Variants in CHRNB1 observed in about 807,000 individuals in gnomAD.
CHRNB1 encodes the protein acetylcholine receptor subunit beta.
In CHRNB1, 47 loss-of-function variants were observed where a neutral mutation model predicts 53.8. That is an observed-to-expected ratio of 0.87 (90% CI 0.69 to 1.11). The LOEUF (loss-of-function observed/expected upper bound fraction) is 1.11, where lower values mean the gene tolerates loss of function less well. Among genes scored for constraint, CHRNB1 ranks in the 50% most tolerant of loss-of-function variants. CHRNB1 has a pLI of 0.00. For synonymous variants in CHRNB1, 259 were observed against 263.5 expected (o/e 0.98, Z 0.16); for missense variants, 605 against 654.9 (o/e 0.92, Z 0.83).
At chr17:7,450,040 AAAATAAATAAAT>A (rs201151995) in intron 7 of CHRNB1, among the ~76,000 whole-genome samples, 23,262 of 142,836 alleles carry the variant, frequency 0.16, 2,055 homozygotes, top group South Asian at 0.22. Context: ...TCTGTCTCAA[AAAATAAATAAAT>A]AAATAAATAA....
rs1480510263 is a variant in CHRNB1, at chr17:7,445,493, G to C, written c.198+84G>C. ...GGCAAGGCCGGACCAGGGACAGGCTGGGGGCGGGGCCTGGGACGAGACCAG... is the reference window on the plus strand; with the variant it reads ...GGCAAGGCCGGACCAGGGACAGGCTCGGGGCGGGGCCTGGGACGAGACCAG... On this transcript the variant is annotated intron_variant, in intron 2 of 10. Transcript: ENST00000306071. The surrounding 1 kb of genome is among the most constrained non-coding windows in gnomAD (Gnocchi z 5.7). 2.6e-6 allele frequency: 4 copies of C among 1,565,086 alleles called. No homozygotes were observed. Among genetic ancestry groups the C allele is most frequent in the Non-Finnish European group, 2.6e-6 (3 of 1,159,754 alleles).
intron 8 of CHRNB1, among the ~76,000 whole-genome samples, chr17:7,454,873 G>C (rs1204589288): frequency 1.5e-5 from 2 of 130,692 alleles, no homozygotes; most frequent in Non-Finnish European, 3.1e-5. Context: ...CACAATCTCA[G>C]CTCACTGCAA....
chr17:7,446,839 A>C lies in CHRNB1; in HGVS notation c.250A>C (p.Thr84Pro). Reference sequence around the variant, plus strand: ...TCAGCCTCTGCTTCACTAGGAGTGGACTGACTACAGGCTGAGCTGGGACCC... The same window carrying C: ...TCAGCCTCTGCTTCACTAGGAGTGGCCTGACTACAGGCTGAGCTGGGACCC... Reference protein sequence around the residue: ...STKVYLDLEWTDYRLSWDPAE... With the variant: ...STKVYLDLEWPDYRLSWDPAE... Residue 84 changes from threonine to proline, a missense_variant, in exon 4 of 11, where the codon ACT becomes CCT. Thr to Pro is a conservative substitution (Grantham distance 38). Transcript: ENST00000306071. 1 of 1,613,558 alleles carries C rather than the reference A, an allele frequency of 6.2e-7. No homozygotes were observed. The highest frequency in any genetic ancestry group is 1.1e-5 in the South Asian group (1 of 91,056).
chr17:7,454,350 C>A lies in CHRNB1; in HGVS notation c.874C>A (p.Leu292Met). 6.2e-7 allele frequency: 1 copy of A among 1,614,142 alleles called. No individual in the cohort carries two copies. The highest frequency in any genetic ancestry group is 1.1e-5 in the South Asian group (1 of 91,088). ...FALLTLTVFL[L>M]LLADKVPETS... Reference sequence around the variant, plus strand: ...CCTGCTGACCCTTACTGTGTTCCTGCTGCTGCTGGCTGACAAAGTACCTGA... The same window carrying A: ...CCTGCTGACCCTTACTGTGTTCCTGATGCTGCTGGCTGACAAAGTACCTGA... Residue 292 changes from leucine to methionine, a missense_variant, in exon 8 of 11, where the codon CTG becomes ATG. Transcript: ENST00000306071.
intron 7 of CHRNB1, among the ~76,000 whole-genome samples, chr17:7,449,402 C>CTTTTTTTT (rs769505757): frequency 1.1e-5 from 1 of 89,062 alleles, no homozygotes; most frequent in African/African-American, 5.0e-5. Flanking sequence ...AGGGCCCGAC[C>CTTTTTTTT]TTTTTTTTTT....
chr17:7,455,897 A>T lies in CHRNB1; in HGVS notation c.1321A>T (p.Ser441Cys). 9 of 1,614,056 alleles carry T rather than the reference A, an allele frequency of 5.6e-6. No homozygotes were observed. The highest frequency in any genetic ancestry group is 7.6e-6 in the Non-Finnish European group (9 of 1,180,006). Residue 441 changes from serine to cysteine, a missense_variant, in exon 10 of 11, where the codon AGC becomes TGC. Transcript: ENST00000306071. ...PELREVVSSI[S>C]YIARQLQEQE... ...GCTACGGGAGGTCGTCTCCTCTATC[A>T]GCTACATCGCTCGACAGCTGCAGGA...
rs371033292 is a variant in CHRNB1 at position 7,455,351 on chromosome 17, C to A, written c.1112C>A (p.Pro371Gln). ...KRPKPERDLM[P>Q]EPPHCSSPGS... is the part of the protein sequence containing the mutation. ...CCCAAACCCGAGAGAGACCTGATGC[C>A]GGAGCCCCCTCACTGTTCTTCTCCA... The change falls in exon 9 of 11, where the codon CCG becomes CAG. Residue 371 changes from proline (P) to glutamine (Q), a missense_variant. Physicochemically the swap from Pro to Gln is moderately conservative, Grantham distance 76 (BLOSUM62 -1). Transcript: ENST00000306071. The A allele has an allele frequency of 6.2e-7, 1 of 1,614,034 alleles. No homozygotes were observed. Among genetic ancestry groups the A allele is most frequent in the African/African-American group, 1.3e-5 (1 of 74,908 alleles).
intron 7 of CHRNB1, among the ~76,000 whole-genome samples, chr17:7,449,893 A>G (rs950810443): frequency 1.3e-5 from 2 of 151,626 alleles, no homozygotes; most frequent in Non-Finnish European, 2.9e-5. Flanking sequence ...AAACACAAAA[A>G]ATTAGCCAGG....
At chr17:7,451,635 T>G (rs1377469227) in intron 7 of CHRNB1, among the ~76,000 whole-genome samples, 2 of 151,990 alleles carry the variant, frequency 1.3e-5, no homozygotes. Context: ...GAAGGCCACA[T>G]GCACAGCTCT....
In CHRNB1 at chr17:7,445,096, C is replaced by A; in HGVS notation, c.-32C>A. 6.2e-7 allele frequency: 1 copy of A among 1,601,836 alleles called. No individual in the cohort carries two copies. Among genetic ancestry groups the A allele is most frequent in the Non-Finnish European group, 8.5e-7 (1 of 1,177,706 alleles). On this transcript the variant is annotated 5_prime_UTR_variant, in exon 1 of 11. The change creates a new upstream start codon in the 5' untranslated region. Coordinates refer to ENST00000306071, the MANE Select transcript of CHRNB1 (RefSeq NM_000747.3). This position sits in a 1 kb window ranked among gnomAD's most constrained non-coding sequence, Gnocchi z 5.7. ...CTGTGCTGGCGGTCCCAGCGGCTCT[C>A]TGAGCGAAGTCACTGAGCGAGCCGC...
intron 6 of CHRNB1, among the ~76,000 whole-genome samples, chr17:7,448,105 G>A (rs1355450816): frequency 7.3e-6 from 1 of 136,894 alleles, no homozygotes; most frequent in African/African-American, 2.8e-5. Context: ...AAAAAAAAGG[G>A]CCTGGCGCAG....
Position 7,445,848 on chromosome 17 carries a change from T to C in CHRNB1, c.199-221T>C. On this transcript the variant is annotated intron_variant, in intron 2 of 10. Coordinates refer to ENST00000306071, the MANE Select transcript of CHRNB1 (RefSeq NM_000747.3). This position sits in a 1 kb window ranked among gnomAD's most constrained non-coding sequence, Gnocchi z 5.7. ...AGGCGGAGGGCTAGGCAGGGGCGGG[T>C]CTGGTAGGTTGATAGGCTGGGAGTG... 3.2e-6 allele frequency: 2 copies of C among 625,570 alleles called. No individual in the cohort carries two copies. Among genetic ancestry groups the C allele is most frequent in the Non-Finnish European group, 2.8e-6 (1 of 353,224 alleles). 38.8% of individuals were successfully genotyped at this position (625,570 alleles called of 1,614,324 possible). A position where few individuals can be genotyped will look rare whatever the true frequency, so the allele number is the denominator to read the frequency against.
rs2150838499 is a variant in CHRNB1 at position 7,447,247 on chromosome 17, T to C, written c.462+96T>C. 15 of 1,049,842 alleles carry C rather than the reference T, an allele frequency of 1.4e-5. No individual in the cohort carries two copies. In the South Asian group the frequency reaches 1.8e-4, roughly 13 times the overall value. The allele number at this position is 1,049,842 out of a possible 1,614,324, so 65.0% of individuals were successfully genotyped here. On this transcript the variant is annotated intron_variant, in intron 5 of 10. Transcript: ENST00000306071. ...CCCGGCGACTCCCATCCTTCATCCT[T>C]CCCCCATTATCTAATCCCCATGACC...
chr17:7,446,793 C>T (rs1454664291), intron 3 of CHRNB1, 40 bp from the exon 4 acceptor site: 3 of 1,529,680 alleles, frequency 2.0e-6, no homozygotes, highest in Admixed American at 1.7e-5. Context: ...TCCCTCCCGG[C>T]CTCCAACCCG....
chr17:7,455,812 T>C lies in CHRNB1; in HGVS notation c.1236T>C (p.Ser412=), dbSNP rs2069944020. Residue 412 remains serine, a synonymous_variant, in exon 10 of 11, where the codon TCT becomes TCC. Coordinates refer to ENST00000306071, the MANE Select transcript of CHRNB1 (RefSeq NM_000747.3). ...CTTCCAGGTTCCAGCCTGAACTGTC[T>C]GCCCCTGATCTGCGGCGATTTATCG... ...PKPNRFQPEL[S]APDLRRFIDG... is the part of the protein sequence containing the mutation. The C allele has an allele frequency of 6.2e-7, 1 of 1,614,172 alleles. No homozygotes were observed. Among genetic ancestry groups the C allele is most frequent in the East Asian group, 2.2e-5 (1 of 44,866 alleles).
Position 7,457,069 on chromosome 17 carries a change from G to A in CHRNB1, c.*346G>A, listed in dbSNP as rs2069959951. 2 of 292,362 alleles carry A rather than the reference G, an allele frequency of 6.8e-6. No homozygotes were observed. The highest frequency in any genetic ancestry group is 1.3e-5 in the Non-Finnish European group (2 of 148,732). The allele number at this position is 292,362 out of a possible 1,614,324, so 18.1% of individuals were successfully genotyped here. A position where few individuals can be genotyped will look rare whatever the true frequency, so the allele number is the denominator to read the frequency against. On this transcript the variant is annotated 3_prime_UTR_variant, in exon 11 of 11. Transcript: ENST00000306071. ...GCGGTGGCTCACGCCTGTAATCCCA[G>A]CACTTTGGGAGGCCAAGGCGGGCGG...
chr17:7,456,049 CTTTTTTTTTTTTTT>C (rs528936191), intron 10 of CHRNB1, 108 bp downstream of exon 10: 40 of 529,676 alleles, frequency 7.6e-5, no homozygotes, highest in Middle Eastern at 5.7e-4. Context: ...TTTTTTTTGG[CTTTTTTTTTTTTTT>C]TTTTTTTTTG....
Position 7,445,641 on chromosome 17 carries a change from G to A in CHRNB1, c.198+232G>A, listed in dbSNP as rs1045028787. On this transcript the variant is annotated intron_variant, in intron 2 of 10. Transcript: ENST00000306071. This position sits in a 1 kb window ranked among gnomAD's most constrained non-coding sequence, Gnocchi z 5.7. ...TAGGGTGAAGGACGGACCTGTGATC[G>A]GACCTTAAAGTGGGGCTGGGGACGA... 1.4e-6 allele frequency: 2 copies of A among 1,427,400 alleles called. No individual in the cohort carries two copies. Among genetic ancestry groups the A allele is most frequent in the Non-Finnish European group, 1.8e-6 (2 of 1,090,340 alleles). The allele number at this position is 1,427,400 out of a possible 1,614,324, so 88.4% of individuals were successfully genotyped here. A position where few individuals can be genotyped will look rare whatever the true frequency, so the allele number is the denominator to read the frequency against.
intron 7 of CHRNB1, among the ~76,000 whole-genome samples, chr17:7,450,273 A>G (rs966987935): frequency 6.6e-6 from 1 of 151,502 alleles, no homozygotes; most frequent in South Asian, 2.1e-4. Flanking sequence ...CCTCCTGAGT[A>G]GCTGGGATTA....
Sources: gnomAD v4.1 joint callset for allele counts (sites outside exome capture counted in the v4.1 genomes callset) on GRCh38, gnomAD v4.1.1 for gene constraint, Gnocchi (gnomAD v3.1) non-coding constraint, MANE v1.5 for transcripts, NCBI Gene and HGNC (gene_info 2026-07-23, HGNC 2026-07-21) for gene names.